SLC35F4: variants seen among roughly 807,000 people sequenced by gnomAD.
SLC35F4 encodes solute carrier family 35 member F4.
A neutral mutation model predicts 44.2 loss-of-function variants in SLC35F4; 24 were observed. The ratio of observed to expected loss-of-function variants is 0.54; its 90% CI spans 0.39 to 0.76. SLC35F4 has a LOEUF of 0.76. SLC35F4 is among the 30% of genes least tolerant of loss of function. The pLI is 0.00. For synonymous variants in SLC35F4, 238 were observed against 223.6 expected (o/e 1.06, Z -0.57); for missense variants, 562 against 586.1 (o/e 0.96, Z 0.42).
At chr14:57,980,966 A>C (rs1881360954) in intron 1 of SLC35F4, among the ~76,000 whole-genome samples, 1 of 152,100 alleles carries the variant, frequency 6.6e-6, no homozygotes, top group African/African-American at 2.4e-5. Flanking sequence ...GTCAACAACC[A>C]AACCAATAGG....
At chr14:57,901,840 G>A (rs1889006644) in intron 1 of SLC35F4, among the ~76,000 whole-genome samples, 2 of 152,082 alleles carry the variant, frequency 1.3e-5, no homozygotes, top group South Asian at 2.1e-4. Flanking sequence ...TGAGCAAACT[G>A]TCTCAGCATA....
chr14:57,800,192 G>A (rs994332891), intron 1 of SLC35F4, among the ~76,000 whole-genome samples: 4 of 152,146 alleles, frequency 2.6e-5, no homozygotes, highest in Admixed American at 2.0e-4. Context: ...CAGCCTTCAC[G>A]GGTAATACCT....
chr14:57,825,857 G>A (rs1883690372), intron 1 of SLC35F4, among the ~76,000 whole-genome samples: 1 of 152,090 alleles, frequency 6.6e-6, no homozygotes, highest in Non-Finnish European at 1.5e-5. Context: ...ACCACTCAAA[G>A]AAATCAGAGA....
intron 1 of SLC35F4, among the ~76,000 whole-genome samples, chr14:57,946,013 T>A (rs754343861): frequency 2.0e-5 from 3 of 152,222 alleles, no homozygotes; most frequent in Non-Finnish European, 4.4e-5. Context: ...CCTTGTAGAC[T>A]CTGGATATTA....
intron 1 of SLC35F4, among the ~76,000 whole-genome samples, chr14:57,646,716 G>A (rs1009497488): frequency 6.6e-6 from 1 of 151,908 alleles, no homozygotes; most frequent in Non-Finnish European, 1.5e-5. Context: ...GTGATGTTAG[G>A]GTGTCAAATT....
At chr14:57,681,535 A>G (rs1386784042) in intron 1 of SLC35F4, among the ~76,000 whole-genome samples, 1 of 152,138 alleles carries the variant, frequency 6.6e-6, no homozygotes, top group Non-Finnish European at 1.5e-5. Context: ...CATAAGACCT[A>G]AAACCATAAA....
intron 1 of SLC35F4, among the ~76,000 whole-genome samples, chr14:57,861,413 A>G (rs1595241462): frequency 1.3e-5 from 2 of 152,146 alleles, no homozygotes; most frequent in South Asian, 4.2e-4. Context: ...TTCTTTCTCT[A>G]TTGAATCATT....
intron 1 of SLC35F4, among the ~76,000 whole-genome samples, chr14:57,902,762 T>C (rs562165201): frequency 2.0e-5 from 3 of 152,310 alleles, no homozygotes; most frequent in Admixed American, 1.3e-4. Context: ...TCAATCAGCA[T>C]AGACTGCTGT....
chr14:57,622,661 G>T lies in SLC35F4; in HGVS notation c.104-28537C>A, dbSNP rs564269024. On this transcript the variant is annotated intron_variant, in intron 1 of 7. Transcript: ENST00000556826. ...AGGAAGGGGAACATCACACTCTGGG[G>T]ACTGTTGTGGGGTTGGGGGAGTGGG... Among the ~76,000 whole-genome samples the T allele has an allele frequency of 8.5e-5, 13 of 152,164 alleles. No homozygotes were observed. The South Asian group carries it at 2.7e-3, about 32-fold the overall frequency.
intron 1 of SLC35F4, among the ~76,000 whole-genome samples, chr14:57,698,600 G>A (rs367545302): frequency 6.6e-6 from 1 of 151,504 alleles, no homozygotes; most frequent in African/African-American, 2.4e-5. Flanking sequence ...GAGCTACCCT[G>A]AGAAAGAATT....
At chr14:57,880,729 G>A (rs911248533) in intron 1 of SLC35F4, among the ~76,000 whole-genome samples, 1 of 152,130 alleles carries the variant, frequency 6.6e-6, no homozygotes, top group Non-Finnish European at 1.5e-5. Context: ...AGATTGTCTG[G>A]AGATCTCATT....
At chr14:57,643,100 G>A (rs2073324602) in intron 1 of SLC35F4, among the ~76,000 whole-genome samples, 1 of 151,556 alleles carries the variant, frequency 6.6e-6, no homozygotes, top group African/African-American at 2.4e-5. Context: ...AACCTTAATT[G>A]GTTCTTATTG....
intron 1 of SLC35F4, among the ~76,000 whole-genome samples, chr14:57,599,608 G>C (rs377016883): frequency 6.6e-6 from 1 of 152,030 alleles, no homozygotes; most frequent in African/African-American, 2.4e-5. Context: ...TTGGGAAGCT[G>C]AGGTAGGTGG....
intron 1 of SLC35F4, among the ~76,000 whole-genome samples, chr14:57,894,437 A>G (rs940345885): frequency 3.3e-5 from 5 of 152,148 alleles, no homozygotes; most frequent in African/African-American, 9.7e-5. Context: ...GCTTGTAAAC[A>G]TGATAACCTT....
At chr14:57,949,303 T>C (rs1398915996) in intron 1 of SLC35F4, among the ~76,000 whole-genome samples, 1 of 152,188 alleles carries the variant, frequency 6.6e-6, no homozygotes, top group African/African-American at 2.4e-5. Flanking sequence ...CTTTATTTAC[T>C]GTTGTTGCTT....
At chr14:57,597,164 G>A (rs2070541800) in intron 1 of SLC35F4, among the ~76,000 whole-genome samples, 1 of 152,214 alleles carries the variant, frequency 6.6e-6, no homozygotes, top group South Asian at 2.1e-4. Flanking sequence ...ATGAGTGCCT[G>A]AGTGGAACCA....
chr14:57,759,278 C>G (rs1256371854), intron 1 of SLC35F4, among the ~76,000 whole-genome samples: 1 of 152,048 alleles, frequency 6.6e-6, no homozygotes, highest in African/African-American at 2.4e-5. Context: ...TATGGTAGTT[C>G]TATTTTTGAT....
chr14:57,776,498 C>G (rs1298512707), intron 1 of SLC35F4, among the ~76,000 whole-genome samples: 1 of 151,848 alleles, frequency 6.6e-6, no homozygotes, highest in South Asian at 2.1e-4. Context: ...AACCCCTTCT[C>G]TACTAAAAAT....
At chr14:57,588,949 A>G (rs555989051) in intron 3 of SLC35F4, among the ~76,000 whole-genome samples, 3 of 152,202 alleles carry the variant, frequency 2.0e-5, no homozygotes, top group Admixed American at 6.5e-5. Flanking sequence ...TTGTCTTAAA[A>G]TGGGGATAAC....
Sources: allele counts gnomAD v4.1 joint callset (sites outside exome capture counted in the v4.1 genomes callset), GRCh38; gene constraint gnomAD v4.1.1; transcripts MANE v1.5; gene names NCBI Gene and HGNC (gene_info 2026-07-23, HGNC 2026-07-21).